Variants in PLCXD1 observed in about 807,000 individuals in gnomAD.
PLCXD1 encodes PI-PLC X domain-containing protein 1.
PLCXD1 carries 45 observed loss-of-function variants against 37.8 expected under a neutral mutation model. The ratio of observed to expected loss-of-function variants is 1.19; its 90% CI spans 0.94 to 1.53. The LOEUF (loss-of-function observed/expected upper bound fraction) is 1.53, where lower values mean the gene tolerates loss of function less well. Among genes scored for constraint, PLCXD1 ranks in the 40% most tolerant of loss-of-function variants. PLCXD1 has a pLI of 0.00. For missense variants in PLCXD1, 539 were observed against 454.7 expected, an observed-to-expected ratio of 1.19 and a Z score of -1.69; for synonymous variants, 246 against 206.9, an observed-to-expected ratio of 1.19 and a Z score of -1.62.
upstream of PLCXD1, chrX:281,285 C>T (rs897466106): frequency 1.7e-5 from 3 of 176,714 alleles, no homozygotes; most frequent in South Asian, 1.0e-4. Context: ...GAGAAAGAGG[C>T]TGAGCTGACA....
intron 1 of PLCXD1, among the ~76,000 whole-genome samples, chrX:282,043 CGG>C (rs2069289931): frequency 6.6e-6 from 1 of 152,140 alleles, no homozygotes; most frequent in African/African-American, 2.4e-5. Context: ...CCACCGTGCC[CGG>C]CCCCTCCAGG....
upstream of PLCXD1, among the ~76,000 whole-genome samples, chrX:277,280 T>C (rs1444414039): frequency 7.2e-5 from 1 of 13,894 alleles, no homozygotes; most frequent in Non-Finnish European, 2.2e-4. Context: ...GGGACAGATG[T>C]GGGGATAGGA....
At chrX:288,308 A>G (rs1448082447) in intron 2 of PLCXD1, among the ~76,000 whole-genome samples, 2 of 148,356 alleles carry the variant, frequency 1.3e-5, no homozygotes, top group Non-Finnish European at 3.0e-5. Flanking sequence ...AGTTCCTTCT[A>G]GAGGCTCTAG....
rs867950202 is a variant in PLCXD1 at position 287,714 on chromosome X, A to G, written c.128-1019A>G. 3.0e-3 allele frequency among the ~76,000 whole-genome samples: 441 copies of G among 144,920 alleles called. 7 individuals carry two copies. The highest frequency in any genetic ancestry group is 0.01 in the African/African-American group (413 of 39,494). ...AGATATAGATACTATATATGTTTAT[A>G]TATAGATATATGTCATATATATCTT... On this transcript the variant is annotated intron_variant, in intron 2 of 6. Coordinates refer to ENST00000381657, the MANE Select transcript of PLCXD1 (RefSeq NM_018390.4).
At position 300,414 on chromosome X, in the gene PLCXD1, GTGTATATATCGGTGTGTATA is replaced by G. The variant is rs1307224629; in HGVS notation, c.*1081_*1100del. ...TGTTTATGTGTCTGTGTGTATATAT[GTGTATATATCGGTGTGTATA>G]TATGTATGTATGTTTATACATGTGT... On this transcript the variant is annotated 3_prime_UTR_variant, in exon 7 of 7. Coordinates refer to ENST00000381657, the MANE Select transcript of PLCXD1 (RefSeq NM_018390.4). The G allele has an allele frequency of 6.7e-6, 1 of 150,292 alleles. No homozygotes were observed. The highest frequency in any genetic ancestry group is 1.5e-5 in the Non-Finnish European group (1 of 67,700). The allele number at this position is 150,292 out of a possible 1,614,324, so 9.3% of individuals were successfully genotyped here.
rs1388373074 is a variant in PLCXD1 at position 293,222 on chromosome X, C to G, written c.733+4C>G. ...ATGAAGAGCTGCGGCCGCCCAGGTA[C>G]CAGGTCGCCCCTCGTGGGGGTAGAT... On this transcript the variant is annotated splice_donor_region_variant and intron_variant, in intron 6 of 6. Transcript: ENST00000381657. 20 of 1,605,832 alleles carry G rather than the reference C, an allele frequency of 1.2e-5. No homozygotes were observed. The highest frequency in any genetic ancestry group is 1.7e-5 in the Non-Finnish European group (20 of 1,175,092).
intron 2 of PLCXD1, among the ~76,000 whole-genome samples, chrX:284,920 C>T (rs981094035): frequency 4.6e-5 from 7 of 152,136 alleles, no homozygotes; most frequent in African/African-American, 1.4e-4. Context: ...GACTTATTCA[C>T]GATCACGAGA....
At chrX:291,470 A>G (rs753918142) in intron 4 of PLCXD1, 29 bp from the exon 5 acceptor site, 2 of 1,610,896 alleles carry the variant, frequency 1.2e-6, no homozygotes, top group Admixed American at 3.3e-5. Context: ...GGAGTCGTGC[A>G]GGACTCAGCC....
At chrX:291,883 G>A (rs898228700) in intron 5 of PLCXD1, among the ~76,000 whole-genome samples, 41 of 152,176 alleles carry the variant, frequency 2.7e-4, no homozygotes, top group African/African-American at 6.0e-4. Flanking sequence ...TGTGTGCAGC[G>A]TCAGCCGGGC....
Position 299,402 on chromosome X carries a change from CTT to C in PLCXD1, c.*69_*70del, listed in dbSNP as rs1312509160. The stretch of plus-strand genomic sequence containing the variant: ...ACCCCCGAATTTCCAAGTATTGTGA[CTT>C]TGTTTGGGCCAAATGTTGGTGATCA... On this transcript the variant is annotated 3_prime_UTR_variant, in exon 7 of 7. Transcript: ENST00000381657. 1.7e-6 allele frequency: 2 copies of C among 1,153,712 alleles called. No homozygotes were observed. Among genetic ancestry groups the C allele is most frequent in the African/African-American group, 3.0e-5 (2 of 66,116 alleles). The allele number at this position is 1,153,712 out of a possible 1,614,324, so 71.5% of individuals were successfully genotyped here.
At chrX:285,513 A>G (rs1268559101) in intron 2 of PLCXD1, among the ~76,000 whole-genome samples, 1 of 152,082 alleles carries the variant, frequency 6.6e-6, no homozygotes, top group Non-Finnish European at 1.5e-5. Flanking sequence ...CAATGCATGT[A>G]TACACGTGTA....
intron 1 of PLCXD1, among the ~76,000 whole-genome samples, 169 bp downstream of exon 1, chrX:281,853 G>C (rs2069285070): frequency 6.6e-6 from 1 of 152,016 alleles, no homozygotes; most frequent in Non-Finnish European, 1.5e-5. Context: ...CCGCCTCCCG[G>C]GTTCAAGCCT....
At chrX:282,947 ATATATATATTATATATG>A (rs1006683209) in intron 1 of PLCXD1, among the ~76,000 whole-genome samples, 28 of 61,232 alleles carry the variant, frequency 4.6e-4, no homozygotes, top group African/African-American at 3.2e-3. Flanking sequence ...TATATATATT[ATATATATATTATATATG>A]TATATATTAT....
chrX:282,449 A>C, intron 1 of PLCXD1, among the ~76,000 whole-genome samples: 1 of 152,120 alleles, frequency 6.6e-6, no homozygotes, highest in Admixed American at 6.6e-5. Context: ...TCACGCCAGT[A>C]ATCCCAGCAC....
chrX:292,788 T>G (rs1486191319), intron 5 of PLCXD1, among the ~76,000 whole-genome samples: 2 of 151,504 alleles, frequency 1.3e-5, no homozygotes, highest in East Asian at 2.0e-4. Context: ...AATTTTTGTA[T>G]TTTTAGTAGA....
chrX:281,272 T>A (rs2069269799), upstream of PLCXD1: 1 of 177,190 alleles, frequency 5.6e-6, no homozygotes, highest in East Asian at 1.9e-4. Flanking sequence ...GTTGCTTCTC[T>A]TGGAGAAAGA....
intron 6 of PLCXD1, among the ~76,000 whole-genome samples, chrX:298,792 A>C (rs1316013269): frequency 4.1e-5 from 4 of 98,360 alleles, no homozygotes; most frequent in Non-Finnish European, 8.9e-5. Context: ...TATTCTGTCT[A>C]TCACATGGGG....
chrX:293,068 G>C lies in PLCXD1; in HGVS notation c.583G>C (p.Gly195Arg). The part of the protein sequence containing the change: ...VPTLRQLWSR[G>R]QQVIVSYEDE... Reference sequence around the variant, plus strand: ...GACACTGCGGCAGCTGTGGTCCCGGGGCCAACAGGTCATCGTCTCCTATGA... The same window carrying C: ...GACACTGCGGCAGCTGTGGTCCCGGCGCCAACAGGTCATCGTCTCCTATGA... The change falls in exon 6 of 7, where the codon GGC (glycine) becomes CGC (arginine). Residue 195 changes from glycine (G) to arginine (R), a missense_variant. Physicochemically the swap from Gly to Arg is moderately radical, Grantham distance 125. Transcript: ENST00000381657. 1 of 1,611,142 alleles carries C rather than the reference G, an allele frequency of 6.2e-7. No homozygotes were observed. The highest frequency in any genetic ancestry group is 8.5e-7 in the Non-Finnish European group (1 of 1,179,482).
At position 299,736 on chromosome X, in the gene PLCXD1, G is replaced by C. The variant is rs1321752007; in HGVS notation, c.*401G>C. The C allele has an allele frequency of 8.1e-6, 2 of 245,910 alleles. No homozygotes were observed. Among genetic ancestry groups the C allele is most frequent in the Non-Finnish European group, 1.6e-5 (2 of 126,966 alleles). The allele number at this position is 245,910 out of a possible 1,614,324, so 15.2% of individuals were successfully genotyped here. A position where few individuals can be genotyped will look rare whatever the true frequency, so the allele number is the denominator to read the frequency against. On this transcript the variant is annotated 3_prime_UTR_variant, in exon 7 of 7. Transcript: ENST00000381657. ...CGTGCCACTGCACTCCAGTCTGAATGATAGACCGAGACTCCATCTCAAAAG... is the reference window on the plus strand; with the variant it reads ...CGTGCCACTGCACTCCAGTCTGAATCATAGACCGAGACTCCATCTCAAAAG...
Sources: gnomAD v4.1 joint callset for allele counts (sites outside exome capture counted in the v4.1 genomes callset) on GRCh38, gnomAD v4.1.1 for gene constraint, MANE v1.5 for transcripts, NCBI Gene and HGNC (gene_info 2026-07-23, HGNC 2026-07-21) for gene names.